MACROD2: variants seen among roughly 807,000 people sequenced by gnomAD.
MACROD2 encodes the protein mono-ADP ribosylhydrolase 2, also known as ADP-ribose glycohydrolase MACROD2.
MACROD2 carries 36 observed loss-of-function variants against 70.4 expected under a neutral mutation model. The observed-to-expected ratio is 0.51, with a 90% confidence interval of 0.39 to 0.68. The LOEUF is 0.68. MACROD2 is among the 30% of genes least tolerant of loss of function. The pLI is 0.00. For synonymous variants in MACROD2, 172 were observed against 178.8 expected (o/e 0.96, Z 0.30); for missense variants, 496 against 538.4 (o/e 0.92, Z 0.78).
chr20:14,920,402 G>C (rs921461118), intron 5 of MACROD2, among the ~76,000 whole-genome samples: 3 of 152,132 alleles, frequency 2.0e-5, no homozygotes, highest in African/African-American at 7.2e-5. Flanking sequence ...TTTCCTAAAT[G>C]TAAATAGGCC....
At chr20:15,551,203 G>A (rs570765000) in intron 8 of MACROD2, among the ~76,000 whole-genome samples, 38 of 151,866 alleles carry the variant, frequency 2.5e-4, no homozygotes, top group Non-Finnish European at 4.1e-4. Context: ...CTTTGCTTAG[G>A]GCTACTGGGT....
intron 4 of MACROD2, among the ~76,000 whole-genome samples, chr20:14,528,854 T>C (rs1175857378): frequency 6.6e-6 from 1 of 152,176 alleles, no homozygotes; most frequent in African/African-American, 2.4e-5. Flanking sequence ...AGGTGCAAGT[T>C]ATCTAATTTG....
intron 8 of MACROD2, among the ~76,000 whole-genome samples, chr20:15,736,901 C>A (rs901959993): frequency 6.6e-6 from 1 of 152,130 alleles, no homozygotes; most frequent in Admixed American, 6.5e-5. Context: ...ATAAAAGTCA[C>A]AAAAGATTTT....
intron 5 of MACROD2, among the ~76,000 whole-genome samples, chr20:15,014,044 A>G (rs959807771): frequency 6.6e-6 from 1 of 152,194 alleles, no homozygotes; most frequent in Non-Finnish European, 1.5e-5. Flanking sequence ...CTATTCAACA[A>G]ATTGACCACT....
intron 5 of MACROD2, among the ~76,000 whole-genome samples, chr20:15,056,224 G>T (rs542822573): frequency 6.6e-6 from 1 of 152,284 alleles, no homozygotes; most frequent in African/African-American, 2.4e-5. Context: ...AATTAGAGGA[G>T]CTGAGGGAGC....
chr20:14,239,179 T>C (rs925090408), intron 3 of MACROD2, among the ~76,000 whole-genome samples: 9 of 152,040 alleles, frequency 5.9e-5, no homozygotes, highest in Non-Finnish European at 1.0e-4. Context: ...AGGTTAAAGG[T>C]CTCTACAGTG....
chr20:15,419,963 T>G (rs1211963036), intron 6 of MACROD2, among the ~76,000 whole-genome samples: 1 of 152,256 alleles, frequency 6.6e-6, no homozygotes, highest in Non-Finnish European at 1.5e-5. Context: ...GTTTTTAATC[T>G]TTGTTTCTTC....
intron 8 of MACROD2, among the ~76,000 whole-genome samples, chr20:15,581,058 G>T (rs1050034671): frequency 6.6e-6 from 1 of 152,120 alleles, no homozygotes; most frequent in Non-Finnish European, 1.5e-5. Flanking sequence ...TTCTTCTTTG[G>T]CAGGTCTGGA....
chr20:14,351,711 A>G (rs6033948), intron 3 of MACROD2, among the ~76,000 whole-genome samples: 8,829 of 152,192 alleles, frequency 0.058, 452 homozygotes, highest in African/African-American at 0.14. Flanking sequence ...TTCCTTTCCA[A>G]TTTGGATGCC....
chr20:15,118,196 A>ATT (rs35217480), intron 5 of MACROD2, among the ~76,000 whole-genome samples: 14,936 of 145,930 alleles, frequency 0.1, 1,029 homozygotes, highest in Middle Eastern at 0.17. Flanking sequence ...TTAATTTTAA[A>ATT]TTTTTTTTTT....
chr20:14,349,358 C>G (rs1035884409), intron 3 of MACROD2, among the ~76,000 whole-genome samples: 12 of 150,490 alleles, frequency 8.0e-5, no homozygotes, highest in Non-Finnish European at 1.6e-4. Context: ...TCATGGAAAA[C>G]AGGGTACCCA....
intron 3 of MACROD2, among the ~76,000 whole-genome samples, chr20:14,153,882 G>A (rs1343755798): frequency 6.6e-6 from 1 of 152,148 alleles, no homozygotes; most frequent in South Asian, 2.1e-4. Context: ...TATCAGAAAG[G>A]AAGAAGACTC....
At chr20:15,175,448 A>T (rs955305986) in intron 5 of MACROD2, among the ~76,000 whole-genome samples, 2 of 151,934 alleles carry the variant, frequency 1.3e-5, no homozygotes, top group African/African-American at 2.4e-5. Flanking sequence ...AATAAAATTT[A>T]AAAAAAGATA....
chr20:15,245,718 T>A (rs2146016360), intron 6 of MACROD2, among the ~76,000 whole-genome samples: 1 of 152,340 alleles, frequency 6.6e-6, no homozygotes, highest in South Asian at 2.1e-4. Context: ...TTGTGTTGAA[T>A]GATTTTGCTC....
intron 7 of MACROD2, among the ~76,000 whole-genome samples, chr20:15,462,001 A>G (rs758429660): frequency 5.9e-5 from 9 of 152,166 alleles, no homozygotes; most frequent in Non-Finnish European, 1.2e-4. Context: ...TATTAAACAT[A>G]CTCACAACTG....
intron 5 of MACROD2, among the ~76,000 whole-genome samples, chr20:15,036,815 A>G (rs992992714): frequency 6.6e-6 from 1 of 152,080 alleles, no homozygotes; most frequent in Admixed American, 6.5e-5. Context: ...AACTGTACAA[A>G]AGTTTGCACA....
chr20:14,698,350 T>C (rs1222129395), intron 5 of MACROD2, among the ~76,000 whole-genome samples: 1 of 152,116 alleles, frequency 6.6e-6, no homozygotes, highest in African/African-American at 2.4e-5. Context: ...TGTGCCTCCG[T>C]TTTGCTATCG....
intron 10 of MACROD2, among the ~76,000 whole-genome samples, chr20:15,896,822 A>G (rs1222619023): frequency 6.6e-6 from 1 of 152,162 alleles, no homozygotes; most frequent in Non-Finnish European, 1.5e-5. Context: ...TTGGTTTCAC[A>G]CACTCAACAC....
intron 8 of MACROD2, among the ~76,000 whole-genome samples, chr20:15,842,753 G>GGTAGAGAA (rs758585141): frequency 1.4e-5 from 2 of 140,748 alleles, no homozygotes; most frequent in African/African-American, 5.5e-5. Context: ...TAGAGAAATA[G>GGTAGAGAA]ACAGACAAAT....
Sources: gnomAD v4.1 joint callset for allele counts (sites outside exome capture counted in the v4.1 genomes callset) on GRCh38, gnomAD v4.1.1 for gene constraint, MANE v1.5 for transcripts, NCBI Gene and HGNC (gene_info 2026-07-23, HGNC 2026-07-21) for gene names.